Variants in CDK18 observed in about 807,000 individuals in gnomAD.
CDK18 encodes the protein cyclin dependent kinase 18.
In CDK18, 52 loss-of-function variants were observed where a neutral mutation model predicts 62.0. The observed-to-expected ratio is 0.84, with a 90% CI of 0.67 to 1.06. CDK18 has a LOEUF of 1.06. Among genes scored for constraint, CDK18 ranks in the 50% least tolerant of loss-of-function variants. The pLI, the probability that CDK18 is intolerant of heterozygous loss-of-function variation, is 0.00. For synonymous variants in CDK18, 237 were observed against 247.0 expected (o/e 0.96, Z 0.38); for missense variants, 604 against 619.9 (o/e 0.97, Z 0.27).
rs781572002 is a variant in CDK18 at position 205,529,530 on chromosome 1, G to T, written c.1188G>T (p.Thr396=). The T allele has an allele frequency of 6.2e-7, 1 of 1,611,842 alleles. No homozygotes were observed. Among genetic ancestry groups the T allele is most frequent in the African/African-American group, 1.3e-5 (1 of 75,018 alleles). Residue 396 remains threonine (T), a synonymous_variant, in exon 13 of 16, where the codon ACG becomes ACT. Transcript: ENST00000429964. ...PLINHAPRLD[T]DGIHLLSSLL... ...CGCCTTCTCCTTGCAGGTTGGATAC[G>T]GATGGCATCCACCTCCTGAGCAGCC...
At chr1:205,529,472 C>T in intron 12 of CDK18, 43 bp downstream of exon 12, 1 of 1,610,198 alleles carries the variant, frequency 6.2e-7, no homozygotes, top group Non-Finnish European at 8.5e-7. Flanking sequence ...GGCCCTGGCT[C>T]TCCCATCCCC....
chr1:205,520,018 G>T (rs1015143165), intron 1 of CDK18, among the ~76,000 whole-genome samples: 3 of 152,128 alleles, frequency 2.0e-5, no homozygotes, highest in Non-Finnish European at 4.4e-5. Flanking sequence ...AGGGAGCCAA[G>T]TGCCTGCCTC....
At chr1:205,509,934 G>T (rs1001489718) in intron 1 of CDK18, among the ~76,000 whole-genome samples, 5 of 152,040 alleles carry the variant, frequency 3.3e-5, no homozygotes, top group African/African-American at 1.2e-4. Flanking sequence ...ACAAAAATTA[G>T]CCAGGCATGG....
Position 205,526,820 on chromosome 1 carries a change from A to G in CDK18, c.712A>G (p.Ser238Gly), listed in dbSNP as rs1668457660. 1 of 1,614,028 alleles carries G rather than the reference A, an allele frequency of 6.2e-7. No individual in the cohort carries two copies. Among genetic ancestry groups the G allele is most frequent in the Non-Finnish European group, 8.5e-7 (1 of 1,179,892 alleles). The change falls in exon 8 of 16, where the codon AGC becomes GGC. Residue 238 changes from serine (S) to glycine (G), a missense_variant. Transcript: ENST00000429964. Reference sequence around the variant, plus strand: ...TCTGGACCACTGTGGGAACCTCATGAGCATGCACAACGTCAAGGTGAGGCC... The same window carrying G: ...TCTGGACCACTGTGGGAACCTCATGGGCATGCACAACGTCAAGGTGAGGCC... ...QYLDHCGNLM[S>G]MHNVKIFMFQ...
At chr1:205,523,793 C>A in intron 3 of CDK18, 168 bp downstream of exon 3, 2 of 839,628 alleles carry the variant, frequency 2.4e-6, no homozygotes, top group Non-Finnish European at 3.7e-6. Flanking sequence ...GCACCATGGT[C>A]TCCTTGTCTT....
chr1:205,531,005 C>G (rs549784065), intron 15 of CDK18, among the ~76,000 whole-genome samples: 2 of 152,224 alleles, frequency 1.3e-5, no homozygotes, highest in African/African-American at 4.8e-5. Context: ...CCTGGGAGAA[C>G]GGTACTTTGT....
In CDK18 at chr1:205,531,660, C is replaced by T. The variant is rs573293831; in HGVS notation, c.*282C>T. ...ATGAGGGGGGGGCGGTCCTCGTACCCTCTCCCACCCTGGTGTTTGGGCACC... is the reference window on the plus strand; with the variant it reads ...ATGAGGGGGGGGCGGTCCTCGTACCTTCTCCCACCCTGGTGTTTGGGCACC... On this transcript the variant is annotated 3_prime_UTR_variant, in exon 16 of 16. Transcript: ENST00000429964. The T allele has an allele frequency of 4.5e-6, 2 of 444,012 alleles. No homozygotes were observed. The highest frequency in any genetic ancestry group is 9.0e-5 in the East Asian group (2 of 22,218). 27.5% of individuals were successfully genotyped at this position (444,012 alleles called of 1,614,324 possible). A position where few individuals can be genotyped will look rare whatever the true frequency, so the allele number is the denominator to read the frequency against.
intron 1 of CDK18, among the ~76,000 whole-genome samples, chr1:205,511,255 A>G (rs1255517067): frequency 6.6e-6 from 1 of 152,258 alleles, no homozygotes; most frequent in Non-Finnish European, 1.5e-5. Flanking sequence ...TGTTCATAGT[A>G]AAGTTTTACT....
At chr1:205,507,039 C>A (rs1477303823) in intron 1 of CDK18, among the ~76,000 whole-genome samples, 1 of 152,192 alleles carries the variant, frequency 6.6e-6, no homozygotes, top group Non-Finnish European at 1.5e-5. Context: ...GGAATGCGTC[C>A]TACACTGTAG....
intron 11 of CDK18, 69 bp from the exon 12 acceptor site, chr1:205,529,255 C>T: frequency 1.4e-6 from 2 of 1,450,346 alleles, no homozygotes; most frequent in Middle Eastern, 3.6e-4. Context: ...TCATACATTG[C>T]ATCCCTTTCA....
At chr1:205,513,366 C>T (rs895329984) in intron 1 of CDK18, among the ~76,000 whole-genome samples, 61 of 152,334 alleles carry the variant, frequency 4.0e-4, no homozygotes, top group African/African-American at 1.1e-3. Context: ...ATGTTCTGTA[C>T]GCCCAGGACC....
Position 205,527,657 on chromosome 1 carries a change from G to T in CDK18, c.730-137G>T. The stretch of plus-strand genomic sequence containing the variant: ...CCTGGTGTGGGTGGGGTCCAGGATG[G>T]GGGCTGCAGGGTGTGCAGGAGAATG... On this transcript the variant is annotated intron_variant, in intron 8 of 15. Transcript: ENST00000429964. This position sits in a 1 kb window ranked among gnomAD's most constrained non-coding sequence, Gnocchi z 4.1. The T allele has an allele frequency of 2.5e-6, 2 of 806,548 alleles. No homozygotes were observed. The highest frequency in any genetic ancestry group is 3.3e-5 in the South Asian group (2 of 60,008). The allele number at this position is 806,548 out of a possible 1,614,324, so 50.0% of individuals were successfully genotyped here.
chr1:205,530,788 G>A, intron 15 of CDK18, 83 bp downstream of exon 15: 1 of 1,121,824 alleles, frequency 8.9e-7, no homozygotes, highest in Non-Finnish European at 1.3e-6. Context: ...GGACTCCCAT[G>A]GTCCCCCCAC....
intron 15 of CDK18, 69 bp downstream of exon 15, chr1:205,530,774 G>A: frequency 5.5e-6 from 7 of 1,283,696 alleles, no homozygotes; most frequent in Non-Finnish European, 7.9e-6. Flanking sequence ...CCCCTCCCCA[G>A]TGGGGACTCC....
At chr1:205,513,876 A>T (rs1015044508) in intron 1 of CDK18, among the ~76,000 whole-genome samples, 2 of 152,104 alleles carry the variant, frequency 1.3e-5, no homozygotes, top group African/African-American at 4.8e-5. Flanking sequence ...TCACTGGGGG[A>T]GTAATTGCTG....
intron 1 of CDK18, among the ~76,000 whole-genome samples, chr1:205,512,334 G>A (rs1376578427): frequency 6.6e-6 from 1 of 152,196 alleles, no homozygotes; most frequent in Non-Finnish European, 1.5e-5. Context: ...CCGGGAGGAA[G>A]GAAGAAGCAG....
At chr1:205,505,464 C>CGG (rs369328180) in intron 1 of CDK18, among the ~76,000 whole-genome samples, 51,739 of 151,984 alleles carry the variant, frequency 0.34, 10,800 homozygotes, top group East Asian at 0.57. Context: ...GGGGCAGTGC[C>CGG]CCCCTCCACC....
In CDK18 at chr1:205,532,172, AGGT is replaced by A. The variant is rs1456784010; in HGVS notation, c.*798_*800del. ...CTGAATGGAGTTGCCTTAAATTGGC[AGGT>A]GGTACCGTACTCACTGCCCTTGGAG... On this transcript the variant is annotated 3_prime_UTR_variant, in exon 16 of 16. Coordinates refer to ENST00000429964, the MANE Select transcript of CDK18 (RefSeq NM_212502.3). 8 of 152,824 alleles carry A rather than the reference AGGT, an allele frequency of 5.2e-5. No homozygotes were observed. The East Asian group carries it at 1.5e-3, about 29-fold the overall frequency. The allele number at this position is 152,824 out of a possible 1,614,324, so 9.5% of individuals were successfully genotyped here. A position where few individuals can be genotyped will look rare whatever the true frequency, so the allele number is the denominator to read the frequency against.
chr1:205,517,244 A>AG lies in CDK18; in HGVS notation c.-21-5897dup, dbSNP rs1001656304. 3.9e-5 allele frequency among the ~76,000 whole-genome samples: 6 copies of AG among 152,268 alleles called. No individual in the cohort carries two copies. The highest frequency in any genetic ancestry group is 1.2e-4 in the African/African-American group (5 of 41,568). ...TGCGTGGCCCTGCAGTTGTCTAAGT[A>AG]GGGGGGACCCTGCCTCCCTGGCCCT... On this transcript the variant is annotated intron_variant, in intron 1 of 15. Coordinates refer to ENST00000429964, the MANE Select transcript of CDK18 (RefSeq NM_212502.3). This position sits in a 1 kb window ranked among gnomAD's most constrained non-coding sequence, Gnocchi z 4.1.
Sources: allele counts gnomAD v4.1 joint callset (sites outside exome capture counted in the v4.1 genomes callset), GRCh38; gene constraint gnomAD v4.1.1; non-coding constraint Gnocchi (gnomAD v3.1); transcripts MANE v1.5; gene names NCBI Gene and HGNC (gene_info 2026-07-23, HGNC 2026-07-21).